Variants in JAM3 observed in about 807,000 individuals in gnomAD.
JAM3 encodes junctional adhesion molecule C.
In JAM3, 31 loss-of-function variants were observed where a neutral mutation model predicts 39.4. The ratio of observed to expected loss-of-function variants is 0.79; its 90% confidence interval spans 0.59 to 1.06. JAM3 has a LOEUF of 1.06. Among genes scored for constraint, JAM3 ranks in the 50% least tolerant of loss-of-function variants. JAM3 has a pLI of 0.00. For missense variants in JAM3, 455 were observed against 391.4 expected (o/e 1.16, Z -1.37); for synonymous variants, 182 against 148.7 (o/e 1.22, Z -1.63).
chr11:134,148,390 G>C, intron 6 of JAM3, 157 bp from the exon 7 acceptor site: 5 of 809,480 alleles, frequency 6.2e-6, no homozygotes, highest in East Asian at 2.5e-5. Context: ...TTCTAGGCTA[G>C]AAGGATTGTA....
At chr11:134,116,005 T>C (rs560088296) in intron 1 of JAM3, among the ~76,000 whole-genome samples, 2 of 152,316 alleles carry the variant, frequency 1.3e-5, no homozygotes, top group African/African-American at 4.8e-5. Context: ...TTGCTGGTAT[T>C]GCTACCCTGA....
chr11:134,111,567 A>T (rs1451747346), intron 1 of JAM3, among the ~76,000 whole-genome samples: 2 of 152,220 alleles, frequency 1.3e-5, no homozygotes, highest in Non-Finnish European at 2.9e-5. Flanking sequence ...TTAGGGAAGG[A>T]TCATTGCATG....
intron 1 of JAM3, among the ~76,000 whole-genome samples, chr11:134,093,320 A>G (rs1203179973): frequency 8.1e-6 from 1 of 123,950 alleles, no homozygotes; most frequent in Non-Finnish European, 1.7e-5. Context: ...ATCTTGTTCC[A>G]TCTTACATGT....
Position 134,082,466 on chromosome 11 carries a change from G to T in JAM3, c.76+13307G>T, listed in dbSNP as rs562172502. Among the ~76,000 whole-genome samples, 4 of 151,804 alleles carry T rather than the reference G, an allele frequency of 2.6e-5. No individual in the cohort carries two copies. In the South Asian group the frequency reaches 6.3e-4, roughly 24 times the overall value. On this transcript the variant is annotated intron_variant, in intron 1 of 8. Transcript: ENST00000299106. The stretch of plus-strand genomic sequence containing the variant: ...AGCTCCCATAATTTCCTTGTAATGT[G>T]GGGGGGAACCGATGGGAGATAATGG...
chr11:134,092,070 T>C (rs1202846898), intron 1 of JAM3, among the ~76,000 whole-genome samples: 4 of 152,312 alleles, frequency 2.6e-5, no homozygotes, highest in East Asian at 3.9e-4. Context: ...CAGAATTCTT[T>C]AGGGGCTTTC....
chr11:134,076,696 G>A (rs1430678973), intron 1 of JAM3, among the ~76,000 whole-genome samples: 1 of 151,852 alleles, frequency 6.6e-6, no homozygotes, highest in East Asian at 1.9e-4. Context: ...CACACTGGGG[G>A]AAGTATTTTT....
chr11:134,110,288 C>A (rs1278520335), intron 1 of JAM3, among the ~76,000 whole-genome samples: 5 of 152,148 alleles, frequency 3.3e-5, no homozygotes, highest in African/African-American at 1.2e-4. Flanking sequence ...TTATTTGATT[C>A]AGTTATTATA....
At position 134,149,893 on chromosome 11, in the gene JAM3, T is replaced by G; in HGVS notation, c.*712T>G. 1 of 216,028 alleles carries G rather than the reference T, an allele frequency of 4.6e-6. No homozygotes were observed. The highest frequency in any genetic ancestry group is 9.5e-6 in the Non-Finnish European group (1 of 105,046). 13.4% of individuals were successfully genotyped at this position (216,028 alleles called of 1,614,324 possible). ...TCTGAAATGGTACTGAAATATGCTT[T>G]TCTATGGGTCTTGTTTATTTTATAA... On this transcript the variant is annotated 3_prime_UTR_variant, in exon 9 of 9. Coordinates refer to ENST00000299106, the MANE Select transcript of JAM3 (RefSeq NM_032801.5).
intron 1 of JAM3, among the ~76,000 whole-genome samples, chr11:134,138,513 C>T (rs1942914319): frequency 1.3e-5 from 2 of 152,068 alleles, no homozygotes; most frequent in Admixed American, 1.3e-4. Context: ...TTTGTGGCCA[C>T]TTTCCTTAGA....
At chr11:134,070,916 A>G (rs1298767117) in intron 1 of JAM3, among the ~76,000 whole-genome samples, 3 of 152,204 alleles carry the variant, frequency 2.0e-5, no homozygotes, top group African/African-American at 7.2e-5. Context: ...AAATTTTGCA[A>G]ACTAGTTCTA....
At chr11:134,120,290 G>C (rs544786128) in intron 1 of JAM3, among the ~76,000 whole-genome samples, 1 of 152,220 alleles carries the variant, frequency 6.6e-6, no homozygotes, top group African/African-American at 2.4e-5. Flanking sequence ...GCATGCTGAC[G>C]TGAGTCCTGG....
chr11:134,115,973 T>C (rs752840003), intron 1 of JAM3, among the ~76,000 whole-genome samples: 7 of 152,084 alleles, frequency 4.6e-5, no homozygotes, highest in Non-Finnish European at 1.0e-4. Flanking sequence ...TATCAAAGGG[T>C]ATATAATATC....
intron 1 of JAM3, among the ~76,000 whole-genome samples, chr11:134,134,398 C>CAAAAAA (rs34729848): frequency 0.024 from 751 of 31,898 alleles, 23 homozygotes; most frequent in African/African-American, 0.031. Context: ...GGATAAATGC[C>CAAAAAA]AAAAAAAAAA....
chr11:134,100,160 T>G (rs752075897), intron 1 of JAM3, among the ~76,000 whole-genome samples: 6 of 152,066 alleles, frequency 3.9e-5, no homozygotes, highest in Non-Finnish European at 7.4e-5. Context: ...GAATCCCCCT[T>G]TCCTCCTTAA....
intron 1 of JAM3, among the ~76,000 whole-genome samples, chr11:134,136,533 G>C (rs1256299281): frequency 6.6e-6 from 1 of 152,168 alleles, no homozygotes; most frequent in Non-Finnish European, 1.5e-5. Flanking sequence ...GTAAATTTAA[G>C]GATTATTTGG....
intron 1 of JAM3, among the ~76,000 whole-genome samples, chr11:134,128,970 A>G (rs934382495): frequency 6.6e-6 from 1 of 152,214 alleles, no homozygotes; most frequent in African/African-American, 2.4e-5. Flanking sequence ...GTATTTTCAC[A>G]TAGTACTGCA....
chr11:134,069,081 G>T lies in JAM3; in HGVS notation c.-3G>T. ...TGCCGCTGGCCCCTCAGCAACCCTC[G>T]ACATGGCGCTGAGGCGGCCACCGCG... On this transcript the variant is annotated 5_prime_UTR_variant, in exon 1 of 9. Coordinates refer to ENST00000299106, the MANE Select transcript of JAM3 (RefSeq NM_032801.5). The T allele has an allele frequency of 2.5e-6, 4 of 1,610,272 alleles. No homozygotes were observed. Among genetic ancestry groups the T allele is most frequent in the African/African-American group, 1.3e-5 (1 of 74,650 alleles).
chr11:134,076,922 C>A (rs1373950725), intron 1 of JAM3, among the ~76,000 whole-genome samples: 1 of 150,148 alleles, frequency 6.7e-6, no homozygotes, highest in Non-Finnish European at 1.5e-5. Flanking sequence ...GCAACCTCTG[C>A]CTCTTGGGTT....
chr11:134,079,026 C>T lies in JAM3; in HGVS notation c.76+9867C>T, dbSNP rs536853396. Among the ~76,000 whole-genome samples the T allele has an allele frequency of 6.4e-5, 8 of 124,556 alleles. No homozygotes were observed. In the East Asian group the frequency reaches 7.2e-4, roughly 11 times the overall value. The allele number at this position is 124,556 out of a possible 152,430, so 81.7% of individuals were successfully genotyped here. A position where few individuals can be genotyped will look rare whatever the true frequency, so the allele number is the denominator to read the frequency against. On this transcript the variant is annotated intron_variant, in intron 1 of 8. Coordinates refer to ENST00000299106, the MANE Select transcript of JAM3 (RefSeq NM_032801.5). ...TGTACTCCAGCCTGGGCAGTAAGAG[C>T]GAAACTCTGTTACAAAACAAAACAG... is the stretch of plus-strand genomic sequence containing the variant.
Sources: allele counts gnomAD v4.1 joint callset (sites outside exome capture counted in the v4.1 genomes callset), GRCh38; gene constraint gnomAD v4.1.1; transcripts MANE v1.5; gene names NCBI Gene and HGNC (gene_info 2026-07-23, HGNC 2026-07-21).